SH2D3C: variants seen among roughly 807,000 people sequenced by gnomAD.
SH2D3C encodes SH2 domain containing 3C, also known as SH2 domain-containing protein 3C.
SH2D3C carries 25 observed loss-of-function variants against 75.2 expected under a neutral mutation model. That is an observed-to-expected ratio of 0.33 (90% CI 0.24 to 0.46). The LOEUF (loss-of-function observed/expected upper bound fraction) is 0.46. SH2D3C is among the 20% of genes least tolerant of loss of function. The probability of loss-of-function intolerance (pLI) is 1.00; values close to 1 mark genes in which losing one functional copy is unlikely to be tolerated. For synonymous variants in SH2D3C, 450 were observed against 473.7 expected (o/e 0.95, Z 0.65); for missense variants, 933 against 1,165.3 (o/e 0.80, Z 2.90).
At chr9:127,747,081 C>A in intron 6 of SH2D3C, 66 bp downstream of exon 6, 1 of 1,551,136 alleles carries the variant, frequency 6.4e-7, no homozygotes, top group Non-Finnish European at 8.8e-7. Flanking sequence ...CATAACCACA[C>A]ATAGGTGACA....
chr9:127,755,069 G>A (rs1404293206), intron 3 of SH2D3C: 18 of 1,191,214 alleles, frequency 1.5e-5, no homozygotes, highest in Admixed American at 4.5e-5. Flanking sequence ...GGGCCGAGCC[G>A]CCCCCTCACC....
intron 2 of SH2D3C, among the ~76,000 whole-genome samples, chr9:127,766,726 C>T (rs1845642513): frequency 6.6e-6 from 1 of 152,142 alleles, no homozygotes; most frequent in Non-Finnish European, 1.5e-5. Flanking sequence ...TGCGCCACCA[C>T]GCCCGGCTAG....
chr9:127,764,497 C>T (rs927214228), intron 2 of SH2D3C, among the ~76,000 whole-genome samples: 1 of 152,176 alleles, frequency 6.6e-6, no homozygotes, highest in Non-Finnish European at 1.5e-5. Context: ...AACCCACTTG[C>T]GTGGCCCCCC....
intron 2 of SH2D3C, chr9:127,771,570 G>C (rs992537141): frequency 3.1e-6 from 1 of 325,580 alleles, no homozygotes; most frequent in Non-Finnish European, 5.6e-6. Context: ...GCAGCTCTCC[G>C]CGCAGCCTGG....
At position 127,751,465 on chromosome 9, in the gene SH2D3C, T is replaced by C. The variant is rs1314463421; in HGVS notation, c.556-165A>G. Among the ~76,000 whole-genome samples, 2 of 152,192 alleles carry C rather than the reference T, an allele frequency of 1.3e-5. No individual in the cohort carries two copies. The highest frequency in any genetic ancestry group is 6.5e-5 in the Admixed American group (1 of 15,282). On this transcript the variant is annotated intron_variant, in intron 3 of 11. Coordinates refer to ENST00000314830, the MANE Select transcript of SH2D3C (RefSeq NM_170600.3). The surrounding 1 kb of genome is among the most constrained non-coding windows in gnomAD (Gnocchi z 4.1). ...ATGGGTCCCAGAAAGAGTAAAGAAATCTCAATTCCTTCCACAAAACAATGC... is the reference window on the plus strand; with the variant it reads ...ATGGGTCCCAGAAAGAGTAAAGAAACCTCAATTCCTTCCACAAAACAATGC...
chr9:127,756,146 A>AC (rs1442413287), intron 3 of SH2D3C, among the ~76,000 whole-genome samples: 4 of 144,008 alleles, frequency 2.8e-5, no homozygotes, highest in Non-Finnish European at 4.6e-5. Flanking sequence ...CTAAAAACAC[A>AC]AAAAAATTAG....
At chr9:127,762,880 T>C (rs1845562180) in intron 2 of SH2D3C, among the ~76,000 whole-genome samples, 1 of 152,214 alleles carries the variant, frequency 6.6e-6, no homozygotes, top group African/African-American at 2.4e-5. Flanking sequence ...AGAACTTTTC[T>C]TCCTTTGTGA....
chr9:127,767,445 T>C (rs1845656333), intron 2 of SH2D3C: 1 of 373,328 alleles, frequency 2.7e-6, no homozygotes, highest in Non-Finnish European at 3.7e-6. Flanking sequence ...CCCTGCTCTG[T>C]TCCTTACATG....
At chr9:127,770,702 C>A (rs918221860) in intron 2 of SH2D3C, among the ~76,000 whole-genome samples, 2 of 152,216 alleles carry the variant, frequency 1.3e-5, no homozygotes, top group Admixed American at 6.5e-5. Flanking sequence ...TGGTCAGCTC[C>A]TGGCTAAGCA....
At position 127,747,173 on chromosome 9, in the gene SH2D3C, C is replaced by A; in HGVS notation, c.1238G>T (p.Ser413Ile). Residue 413 changes from serine (S) to isoleucine (I), a missense_variant, in exon 6 of 12, where the codon AGC (serine) becomes ATC (isoleucine). Physicochemically the swap from Ser to Ile is moderately radical, Grantham distance 142 (BLOSUM62 -2). Coordinates refer to ENST00000314830, the MANE Select transcript of SH2D3C (RefSeq NM_170600.3). Reference sequence around the variant, plus strand: ...AGTGCTGTAGGCAGGGGAGCTAGGGCTCTCGGAGATGGGCGACATGGGTGA... The same window carrying A: ...AGTGCTGTAGGCAGGGGAGCTAGGGATCTCGGAGATGGGCGACATGGGTGA... Reference protein sequence around the residue: ...LHSPMSPISESPSSPAYSTVT... With the variant: ...LHSPMSPISEIPSSPAYSTVT... The A allele has an allele frequency of 6.2e-7, 1 of 1,614,014 alleles. No individual in the cohort carries two copies. Among genetic ancestry groups the A allele is most frequent in the Non-Finnish European group, 8.5e-7 (1 of 1,179,978 alleles).
At chr9:127,744,506 T>G (rs1012827492) in intron 7 of SH2D3C, 58 bp downstream of exon 7, 1 of 1,529,802 alleles carries the variant, frequency 6.5e-7, no homozygotes, top group African/African-American at 1.4e-5. Context: ...AGCTTCTCAC[T>G]GCCCTGCCCC....
chr9:127,742,735 C>T, intron 8 of SH2D3C, 114 bp downstream of exon 8: 2 of 702,132 alleles, frequency 2.8e-6, no homozygotes, highest in Non-Finnish European at 4.7e-6. Flanking sequence ...GGAGGCGTGG[C>T]CAGAGCCCCC....
intron 3 of SH2D3C, among the ~76,000 whole-genome samples, chr9:127,761,353 G>A (rs1001342048): frequency 3.3e-5 from 5 of 152,210 alleles, no homozygotes; most frequent in African/African-American, 1.2e-4. Context: ...GCTGGCAAGT[G>A]AGTGGGGTCA....
chr9:127,751,113 C>T lies in SH2D3C; in HGVS notation c.684+59G>A, dbSNP rs1845188877. The T allele has an allele frequency of 6.3e-7, 1 of 1,587,638 alleles. No homozygotes were observed. The highest frequency in any genetic ancestry group is 8.6e-7 in the Non-Finnish European group (1 of 1,161,990). The stretch of plus-strand genomic sequence containing the variant: ...CAGGTGGCTGCAGCCAGGGCTGGGG[C>T]TGGCCAAGGCAGTGGGTGGGAGGGT... On this transcript the variant is annotated intron_variant, in intron 4 of 11. Transcript: ENST00000314830. The surrounding 1 kb of genome is among the most constrained non-coding windows in gnomAD (Gnocchi z 4.1).
At position 127,738,383 on chromosome 9, in the gene SH2D3C, A is replaced by G. The variant is rs1844749305; in HGVS notation, c.*363T>C. The G allele has an allele frequency of 5.6e-6, 1 of 180,046 alleles. No individual in the cohort carries two copies. The highest frequency in any genetic ancestry group is 1.2e-5 in the Non-Finnish European group (1 of 86,360). 11.2% of individuals were successfully genotyped at this position (180,046 alleles called of 1,614,324 possible). ...GCTTCTGTACATCTATTTACAGAAC[A>G]GAGACTTATTTACAGTGAGATGGAG... On this transcript the variant is annotated 3_prime_UTR_variant, in exon 12 of 12. Transcript: ENST00000314830. The surrounding 1 kb of genome is among the most constrained non-coding windows in gnomAD (Gnocchi z 5.0).
rs373272245 is a variant in SH2D3C, at chr9:127,755,962, G to A, written c.556-4662C>T. ...GTAAGTTGCCAGGCATGAAGTAAGC[G>A]CTCAATAAGTGCACGCTATTATTTT... On this transcript the variant is annotated intron_variant, in intron 3 of 11. Coordinates refer to ENST00000314830, the MANE Select transcript of SH2D3C (RefSeq NM_170600.3). Among the ~76,000 whole-genome samples, 8 of 152,194 alleles carry A rather than the reference G, an allele frequency of 5.3e-5. No homozygotes were observed. In the East Asian group the frequency reaches 1.3e-3, roughly 26 times the overall value.
intron 3 of SH2D3C, among the ~76,000 whole-genome samples, chr9:127,758,071 C>T (rs533977946): frequency 6.6e-6 from 1 of 152,122 alleles, no homozygotes; most frequent in South Asian, 2.1e-4. Flanking sequence ...AGGCCCAAGG[C>T]CCCCAAAGTG....
chr9:127,752,457 GC>G (rs1304896268), intron 3 of SH2D3C, among the ~76,000 whole-genome samples: 1 of 152,094 alleles, frequency 6.6e-6, no homozygotes, highest in African/African-American at 2.4e-5. Context: ...CCCAGCGCTG[GC>G]CAGAAGGCAG....
chr9:127,747,550 C>T (rs563794413), intron 5 of SH2D3C, among the ~76,000 whole-genome samples: 5 of 138,522 alleles, frequency 3.6e-5, no homozygotes, highest in East Asian at 4.1e-4. Flanking sequence ...TTTTTTTTTT[C>T]GGAGATGGAG....
Sources: gnomAD v4.1 joint callset for allele counts (sites outside exome capture counted in the v4.1 genomes callset) on GRCh38, gnomAD v4.1.1 for gene constraint, Gnocchi (gnomAD v3.1) non-coding constraint, MANE v1.5 for transcripts, NCBI Gene and HGNC (gene_info 2026-07-23, HGNC 2026-07-21) for gene names.